Variants in PRKCH observed in about 807,000 individuals in gnomAD.
PRKCH encodes protein kinase C eta type.
A neutral mutation model predicts 82.5 loss-of-function variants in PRKCH; 28 were observed. The observed-to-expected ratio is 0.34, with a 90% CI of 0.25 to 0.47. The LOEUF is 0.47. Ranked by LOEUF, PRKCH falls within the 20% of genes least tolerant of loss-of-function variation. The pLI is 1.00. For missense variants in PRKCH, 705 were observed against 881.8 expected (o/e 0.80, Z 2.54); for synonymous variants, 322 against 327.4 (o/e 0.98, Z 0.18).
chr14:61,301,878 A>G (rs1458505702), intron 1 of PRKCH, among the ~76,000 whole-genome samples: 3 of 152,168 alleles, frequency 2.0e-5, no homozygotes, highest in Non-Finnish European at 4.4e-5. Flanking sequence ...AATTTTATGG[A>G]TTTACCAAAT....
At chr14:61,344,657 T>TAAC (rs1389356242) in intron 1 of PRKCH, among the ~76,000 whole-genome samples, 7 of 152,100 alleles carry the variant, frequency 4.6e-5, no homozygotes, top group Non-Finnish European at 1.0e-4. Flanking sequence ...CTTGGGTCTG[T>TAAC]AGTCAGCGGG....
intron 10 of PRKCH, among the ~76,000 whole-genome samples, chr14:61,499,698 C>T (rs1456217929): frequency 1.3e-5 from 2 of 152,134 alleles, no homozygotes; most frequent in South Asian, 4.1e-4. Context: ...TCTTTCAAAG[C>T]ATGAATATCC....
intron 1 of PRKCH, among the ~76,000 whole-genome samples, chr14:61,362,317 G>T (rs2046235752): frequency 6.8e-6 from 1 of 148,144 alleles, no homozygotes; most frequent in East Asian, 2.0e-4. Context: ...TTCCAGACTG[G>T]GCGACAGAGT....
chr14:61,506,610 C>T (rs960492602), intron 10 of PRKCH, among the ~76,000 whole-genome samples: 10 of 152,278 alleles, frequency 6.6e-5, no homozygotes, highest in Middle Eastern at 3.4e-3. Flanking sequence ...ATGGAAGCAG[C>T]CCTGAACTAA....
intron 10 of PRKCH, among the ~76,000 whole-genome samples, chr14:61,488,200 G>A (rs1376339935): frequency 6.6e-6 from 1 of 152,024 alleles, no homozygotes; most frequent in Non-Finnish European, 1.5e-5. Context: ...GCATGCACCT[G>A]TGGTCCTAGC....
At chr14:61,242,210 T>G (rs1000519320) in intron 1 of PRKCH, among the ~76,000 whole-genome samples, 6 of 152,142 alleles carry the variant, frequency 3.9e-5, no homozygotes, top group African/African-American at 1.4e-4. Context: ...TCTGGGGAGC[T>G]GGATTTTAAT....
chr14:61,214,216 G>A (rs150163393), intron 1 of PRKCH, among the ~76,000 whole-genome samples: 185 of 152,264 alleles, frequency 1.2e-3, no homozygotes, highest in Non-Finnish European at 2.3e-3. Context: ...TCAATGTCTT[G>A]TACCTGGCAG....
chr14:61,256,363 C>T (rs1297926042), intron 1 of PRKCH, among the ~76,000 whole-genome samples: 1 of 152,190 alleles, frequency 6.6e-6, no homozygotes, highest in Non-Finnish European at 1.5e-5. Flanking sequence ...CAGTTGCTAA[C>T]CTGAATTCCC....
intron 1 of PRKCH, among the ~76,000 whole-genome samples, chr14:61,386,285 C>T (rs1239210221): frequency 6.6e-6 from 1 of 152,200 alleles, no homozygotes; most frequent in Non-Finnish European, 1.5e-5. Context: ...TGGACCTTAT[C>T]ATGGACAGGA....
At chr14:61,269,918 A>C (rs1279762365) in intron 1 of PRKCH, among the ~76,000 whole-genome samples, 1 of 152,212 alleles carries the variant, frequency 6.6e-6, no homozygotes, top group Non-Finnish European at 1.5e-5. Context: ...TCAGGGGGCC[A>C]GGTGGCAGAG....
intron 10 of PRKCH, among the ~76,000 whole-genome samples, chr14:61,488,248 A>G (rs913578871): frequency 1.3e-5 from 2 of 152,112 alleles, no homozygotes; most frequent in Non-Finnish European, 1.5e-5. Context: ...GCTTGAGCCC[A>G]GGAGATTGAG....
chr14:61,325,748 A>C (rs2045686872), intron 1 of PRKCH, among the ~76,000 whole-genome samples: 1 of 152,242 alleles, frequency 6.6e-6, no homozygotes, highest in Non-Finnish European at 1.5e-5. Flanking sequence ...GAACTCTAAC[A>C]GCACAATAAT....
rs909232316 is a variant in PRKCH at position 61,525,494 on chromosome 14, G to A, written c.1434-3581G>A. Among the ~76,000 whole-genome samples the A allele has an allele frequency of 4.5e-4, 68 of 152,278 alleles. 1 individual carries two copies. The highest frequency in any genetic ancestry group is 1.3e-3 in the African/African-American group (56 of 41,558). ...TCACATCCCTGTCTTGCCCACTTGC[G>A]TCTTCTGAGAGCTGCGTCCCAAGAC... On this transcript the variant is annotated intron_variant, in intron 10 of 13. Coordinates refer to ENST00000332981, the MANE Select transcript of PRKCH (RefSeq NM_006255.5).
chr14:61,491,507 T>C (rs10136407), intron 10 of PRKCH, among the ~76,000 whole-genome samples: 29,710 of 152,162 alleles, frequency 0.2, 3,270 homozygotes, highest in African/African-American at 0.3. Flanking sequence ...TGCTTGTCTC[T>C]TCTCTTACTT....
intron 2 of PRKCH, among the ~76,000 whole-genome samples, chr14:61,396,667 A>G (rs1038740886): frequency 2.0e-5 from 3 of 152,214 alleles, no homozygotes; most frequent in Admixed American, 6.5e-5. Flanking sequence ...AACAAGTCTG[A>G]ATGATAAATA....
chr14:61,326,478 G>A (rs1196765061), intron 1 of PRKCH, among the ~76,000 whole-genome samples: 1 of 152,152 alleles, frequency 6.6e-6, no homozygotes, highest in East Asian at 1.9e-4. Context: ...TTTTAGGGGA[G>A]ATGAATATTT....
chr14:61,419,830 A>G (rs903028687), intron 2 of PRKCH, among the ~76,000 whole-genome samples: 1 of 152,238 alleles, frequency 6.6e-6, no homozygotes, highest in African/African-American at 2.4e-5. Context: ...TGTATTATGT[A>G]TACATTGTGT....
At chr14:61,270,140 T>C (rs780138309) in intron 1 of PRKCH, among the ~76,000 whole-genome samples, 5 of 152,146 alleles carry the variant, frequency 3.3e-5, no homozygotes, top group Non-Finnish European at 7.4e-5. Flanking sequence ...TAATTTCTAC[T>C]TAGATTGCAT....
chr14:61,355,448 G>T (rs1217385334), intron 1 of PRKCH, among the ~76,000 whole-genome samples: 1 of 152,004 alleles, frequency 6.6e-6, no homozygotes, highest in Non-Finnish European at 1.5e-5. Context: ...CTCCTTGAGG[G>T]AAGGGATAGT....
Sources: gnomAD v4.1 joint callset for allele counts (sites outside exome capture counted in the v4.1 genomes callset) on GRCh38, gnomAD v4.1.1 for gene constraint, MANE v1.5 for transcripts, NCBI Gene and HGNC (gene_info 2026-07-23, HGNC 2026-07-21) for gene names.